PGAP1: variants seen among roughly 807,000 people sequenced by gnomAD.
PGAP1 encodes GPI inositol-deacylase.
Under a neutral mutation model 127.0 loss-of-function variants are expected in PGAP1, and 76 were observed. The ratio of observed to expected loss-of-function variants is 0.60; its 90% CI spans 0.50 to 0.72. PGAP1 has a LOEUF of 0.72. Among genes scored for constraint, PGAP1 ranks in the 30% least tolerant of loss-of-function variants. The pLI is 0.00. For synonymous variants in PGAP1, 362 were observed against 366.5 expected (o/e 0.99, Z 0.14); for missense variants, 982 against 1,071.3 (o/e 0.92, Z 1.16).
chr2:196,904,292 T>G (rs922159552), intron 4 of PGAP1, among the ~76,000 whole-genome samples: 3 of 152,180 alleles, frequency 2.0e-5, no homozygotes, highest in Non-Finnish European at 4.4e-5. Context: ...AAGGGCCTCA[T>G]GTGCACATGC....
At chr2:196,922,603 C>CAA (rs1300608308) in intron 1 of PGAP1, 1 of 782,856 alleles carries the variant, frequency 1.3e-6, no homozygotes, top group Non-Finnish European at 1.5e-6. Context: ...CACACACACA[C>CAA]ACACACACAC....
At chr2:196,851,345 G>A (rs1461962788) in intron 20 of PGAP1, among the ~76,000 whole-genome samples, 1 of 152,058 alleles carries the variant, frequency 6.6e-6, no homozygotes. Flanking sequence ...GAGGACATCT[G>A]CCCAGCAACT....
chr2:196,889,853 C>T (rs1354339239), intron 10 of PGAP1, among the ~76,000 whole-genome samples: 4 of 133,330 alleles, frequency 3.0e-5, no homozygotes, highest in Non-Finnish European at 6.3e-5. Context: ...AGCAAGACTC[C>T]GTCTCAAAAA....
At chr2:196,878,627 A>G (rs1020923504) in intron 13 of PGAP1, among the ~76,000 whole-genome samples, 2 of 152,168 alleles carry the variant, frequency 1.3e-5, no homozygotes. Context: ...ATGATTTCTG[A>G]TACCATTACT....
At chr2:196,888,465 T>C in intron 10 of PGAP1, among the ~76,000 whole-genome samples, 1 of 152,170 alleles carries the variant, frequency 6.6e-6, no homozygotes, top group Non-Finnish European at 1.5e-5. Flanking sequence ...AAAATTAATC[T>C]GAATCTAATC....
intron 5 of PGAP1, among the ~76,000 whole-genome samples, chr2:196,898,925 T>TG (rs1553603939): frequency 6.9e-6 from 1 of 144,248 alleles, no homozygotes; most frequent in Non-Finnish European, 1.5e-5. Context: ...TTATATATTT[T>TG]GAAAAAAAAA....
At chr2:196,860,958 C>A (rs760564593) in intron 20 of PGAP1, among the ~76,000 whole-genome samples, 3 of 152,096 alleles carry the variant, frequency 2.0e-5, no homozygotes, top group Non-Finnish European at 4.4e-5. Flanking sequence ...GATATGGCAA[C>A]CAAAACAGTT....
At position 196,848,040 on chromosome 2, in the gene PGAP1, G is replaced by A. The variant is rs73988069; in HGVS notation, c.1862-3C>T. The A allele has an allele frequency of 7.8e-3, 12,293 of 1,586,166 alleles. 838 individuals are homozygous for A. The African/African-American group carries it at 0.15, about 19-fold the overall frequency. On this transcript the variant is annotated splice_polypyrimidine_tract_variant and splice_region_variant and intron_variant, in intron 20 of 26. Coordinates refer to ENST00000354764, the MANE Select transcript of PGAP1 (RefSeq NM_024989.4). ...GGTAGCATATTCTAAGCAACAACCTGGTGATTTAAAAAAAGTTACATGCAA... is the reference window on the plus strand; with the variant it reads ...GGTAGCATATTCTAAGCAACAACCTAGTGATTTAAAAAAAGTTACATGCAA...
In PGAP1 at chr2:196,902,695, T is replaced by C. The variant is rs780221998; in HGVS notation, c.697A>G (p.Ile233Val). 1.2e-6 allele frequency: 2 copies of C among 1,612,676 alleles called. No individual in the cohort carries two copies. Among genetic ancestry groups the C allele is most frequent in the Non-Finnish European group, 1.7e-6 (2 of 1,178,724 alleles). Residue 233 changes from isoleucine (I) to valine (V), a missense_variant, in exon 5 of 27, where the codon ATA becomes GTA. Physicochemically the swap from Ile to Val is conservative, Grantham distance 29. Coordinates refer to ENST00000354764, the MANE Select transcript of PGAP1 (RefSeq NM_024989.4). ...GCTACAGAAAGTGTGGTTAAATTTATGTGTCGAGCATTTAGAATCCAATAG... is the reference window on the plus strand; with the variant it reads ...GCTACAGAAAGTGTGGTTAAATTTACGTGTCGAGCATTTAGAATCCAATAG... Reference protein sequence around the residue: ...NNYWILNARHINLTTLSVAGG... With the variant: ...NNYWILNARHVNLTTLSVAGG...
chr2:196,875,200 G>A (rs1701527584), intron 14 of PGAP1, among the ~76,000 whole-genome samples: 1 of 152,164 alleles, frequency 6.6e-6, no homozygotes, highest in Non-Finnish European at 1.5e-5. Flanking sequence ...GGATAAGCAG[G>A]ACATCTGTGG....
At chr2:196,874,086 G>A (rs1235198589) in intron 14 of PGAP1, 1 of 186,698 alleles carries the variant, frequency 5.4e-6, no homozygotes, top group Non-Finnish European at 1.1e-5. Context: ...TGTCATTTCT[G>A]TATTGTTCTG....
intron 17 of PGAP1, chr2:196,872,751 AG>A (rs1576131484): frequency 1.7e-6 from 1 of 573,790 alleles, no homozygotes; most frequent in Non-Finnish European, 3.1e-6. Context: ...AGAGGGTGGA[AG>A]GGGGTTCAGG....
intron 3 of PGAP1, among the ~76,000 whole-genome samples, chr2:196,913,405 A>C (rs1702900043): frequency 6.6e-6 from 1 of 152,230 alleles, no homozygotes; most frequent in South Asian, 2.1e-4. Flanking sequence ...AAGAAATCGG[A>C]TAATTTGTTT....
chr2:196,893,650 C>T (rs16859238), intron 7 of PGAP1, among the ~76,000 whole-genome samples: 17,211 of 152,058 alleles, frequency 0.11, 1,259 homozygotes, highest in African/African-American at 0.21. Context: ...GTCTTGTGAT[C>T]CCAATGTACT....
In PGAP1 at chr2:196,835,756, C is replaced by A. The variant is rs1417302257; in HGVS notation, c.*5478G>T. 1 of 152,386 alleles carries A rather than the reference C, an allele frequency of 6.6e-6. No individual in the cohort carries two copies. The highest frequency in any genetic ancestry group is 1.5e-5 in the Non-Finnish European group (1 of 67,874). The allele number at this position is 152,386 out of a possible 1,614,324, so 9.4% of individuals were successfully genotyped here. A position where few individuals can be genotyped will look rare whatever the true frequency, so the allele number is the denominator to read the frequency against. ...GAGTATTTTGCTAACCGTATGGATA[C>A]AGTCACATAGTTTCCAATGCACAGC... On this transcript the variant is annotated 3_prime_UTR_variant, in exon 27 of 27. Transcript: ENST00000354764.
chr2:196,847,017 C>T lies in PGAP1; in HGVS notation c.2136G>A (p.Trp712Ter). Residue 712 changes from tryptophan (W) to a stop codon, truncating the protein, a stop_gained, in exon 22 of 27, where the codon TGG becomes TGA. Coordinates refer to ENST00000354764, the MANE Select transcript of PGAP1 (RefSeq NM_024989.4). LOFTEE classifies it high-confidence loss of function. ...SASVRLLSSLWLALKRPSELP... is the reference protein window; with the variant it reads ...SASVRLLSSL ...TCATTCTTTACCTTTTCAAAGCTAG[C>T]CACAATGAAGAAAGAAGTCTCACAG... 1 of 1,612,694 alleles carries T rather than the reference C, an allele frequency of 6.2e-7. No individual in the cohort carries two copies.
intron 7 of PGAP1, among the ~76,000 whole-genome samples, chr2:196,895,642 A>T (rs1702247078): frequency 6.6e-6 from 1 of 152,168 alleles, no homozygotes; most frequent in Non-Finnish European, 1.5e-5. Flanking sequence ...AATGATCTGG[A>T]CCTTCAGGAG....
intron 20 of PGAP1, 129 bp from the exon 21 acceptor site, chr2:196,848,166 G>C (rs1013132695): frequency 1.9e-5 from 9 of 467,202 alleles, no homozygotes; most frequent in African/African-American, 1.2e-4. Flanking sequence ...CTATCACAGA[G>C]ACTCTTCTTG....
In PGAP1 at chr2:196,919,944, A is replaced by G; in HGVS notation, c.301+53T>C. On this transcript the variant is annotated intron_variant, in intron 2 of 26. Transcript: ENST00000354764. ...ATTCACCGAGTATGGATATGATTCA[A>G]ATTCTTGAGTTGAATTTTATAGCTT... The G allele has an allele frequency of 2.7e-5, 42 of 1,550,638 alleles. No individual in the cohort carries two copies. In the South Asian group the frequency reaches 5.1e-4, roughly 19 times the overall value.
Sources: allele counts gnomAD v4.1 joint callset (sites outside exome capture counted in the v4.1 genomes callset), GRCh38; gene constraint gnomAD v4.1.1; transcripts MANE v1.5; gene names NCBI Gene and HGNC (gene_info 2026-07-23, HGNC 2026-07-21).